Variants in CEP152 observed in about 807,000 individuals in gnomAD.
The protein encoded by CEP152 is centrosomal protein 152, also known as centrosomal protein of 152 kDa.
A neutral mutation model predicts 188.9 loss-of-function variants in CEP152; 132 were observed. The observed-to-expected ratio is 0.70, with a 90% confidence interval of 0.61 to 0.81. The LOEUF (loss-of-function observed/expected upper bound fraction) is 0.81. Ranked by LOEUF, CEP152 falls within the 30% of genes least tolerant of loss-of-function variation. The pLI is 0.00. For missense variants in CEP152, 1,914 were observed against 1,969.8 expected (o/e 0.97, Z 0.54); for synonymous variants, 649 against 666.6 (o/e 0.97, Z 0.41).
chr15:48,793,447 T>C lies in CEP152; in HGVS notation c.706A>G (p.Met236Val), dbSNP rs1897111499. ...AGAACCTGAAGTTGAATAATCTGCATATTTTCTGCAGAGTCTGGGAATTAA... is the reference window on the plus strand; with the variant it reads ...AGAACCTGAAGTTGAATAATCTGCACATTTTCTGCAGAGTCTGGGAATTAA... ...LGANENSAEN[M>V]QIIQLQVLNK... Residue 236 changes from methionine to valine, a missense_variant, in exon 7 of 27, where the codon ATG becomes GTG. Coordinates refer to ENST00000380950, the MANE Select transcript of CEP152 (RefSeq NM_001194998.2). 6.2e-7 allele frequency: 1 copy of C among 1,613,234 alleles called. No individual in the cohort carries two copies. Among genetic ancestry groups the C allele is most frequent in the Non-Finnish European group, 8.5e-7 (1 of 1,179,456 alleles).
At chr15:48,797,887 A>ATATT (rs1897412753) in intron 3 of CEP152, 61 bp downstream of exon 3, 2 of 1,506,598 alleles carry the variant, frequency 1.3e-6, no homozygotes, top group Non-Finnish European at 1.8e-6. Flanking sequence ...ATTAATCTTC[A>ATATT]TCAAAAGAAA....
chr15:48,799,857 T>G (rs569224914), intron 2 of CEP152, among the ~76,000 whole-genome samples: 1 of 152,312 alleles, frequency 6.6e-6, no homozygotes, highest in Non-Finnish European at 1.5e-5. Flanking sequence ...ACTTGTTGTC[T>G]AGAATTATGC....
rs369129204 is a variant in CEP152, at chr15:48,797,403, A to T, written c.438T>A (p.Leu146=). ...SKCEQTDLYH[L]PENFRPYTNG... ...TGGTATATGGCCTAAAGTTTTCAGG[A>T]AGGTGATATAAATCAGTCTGTTCAC... The change falls in exon 5 of 27, where the codon CTT becomes CTA. Residue 146 remains leucine, a synonymous_variant. Coordinates refer to ENST00000380950, the MANE Select transcript of CEP152 (RefSeq NM_001194998.2). 5.5e-5 allele frequency: 88 copies of T among 1,614,046 alleles called. No homozygotes were observed. Among genetic ancestry groups the T allele is most frequent in the Non-Finnish European group, 7.1e-5 (84 of 1,180,002 alleles).
intron 2 of CEP152, among the ~76,000 whole-genome samples, chr15:48,732,455 G>A (rs2140525797): frequency 6.6e-6 from 1 of 152,154 alleles, no homozygotes; most frequent in East Asian, 1.9e-4. Context: ...AACACTGCAT[G>A]TTCTCACTCA....
intron 9 of CEP152, among the ~76,000 whole-genome samples, chr15:48,785,084 C>A (rs1896535690): frequency 6.6e-6 from 1 of 152,012 alleles, no homozygotes; most frequent in Admixed American, 6.5e-5. Context: ...AAGAAGAATA[C>A]TGAGAAAGGG....
intron 7 of CEP152, 70 bp from the exon 8 acceptor site, chr15:48,791,446 G>T (rs1896982750): frequency 7.6e-7 from 1 of 1,312,620 alleles, no homozygotes; most frequent in Non-Finnish European, 1.1e-6. Flanking sequence ...ATCCCAATCA[G>T]ATGTCACGTC....
In CEP152 at chr15:48,772,537, T is replaced by C. The variant is rs1895628043; in HGVS notation, c.1732A>G (p.Ile578Val). Reference protein sequence around the residue: ...QNDLKDCHKKIEDLHQVKKDE... With the variant: ...QNDLKDCHKKVEDLHQVKKDE... The stretch of plus-strand genomic sequence containing the variant: ...TTCTTCACTTGGTGGAGATCTTCAA[T>C]TTTCTTATGACAGTCTTTGAGGTCA... The change falls in exon 13 of 27, where the codon ATT (isoleucine) becomes GTT (valine). Residue 578 changes from isoleucine (I) to valine (V), a missense_variant. Transcript: ENST00000380950. 2 of 1,613,712 alleles carry C rather than the reference T, an allele frequency of 1.2e-6. No homozygotes were observed. The highest frequency in any genetic ancestry group is 1.7e-6 in the Non-Finnish European group (2 of 1,179,998).
rs141690280 is a variant in CEP152, at chr15:48,778,779, G to A, written c.1577+2417C>T. On this transcript the variant is annotated intron_variant, in intron 12 of 26. Transcript: ENST00000380950. ...AGCCTGACCAACATGGAGAAACCCC[G>A]TCTCTACTAAAAATACAAAATTAGC... 7.9e-3 allele frequency among the ~76,000 whole-genome samples: 1,198 copies of A among 151,990 alleles called. 12 individuals are homozygous for A. The highest frequency in any genetic ancestry group is 0.027 in the African/African-American group (1,135 of 41,452).
At position 48,762,653 on chromosome 15, in the gene CEP152, T is replaced by C. The variant is rs1195679649; in HGVS notation, c.2300A>G (p.Gln767Arg). 1.9e-6 allele frequency: 3 copies of C among 1,613,816 alleles called. No individual in the cohort carries two copies. Among genetic ancestry groups the C allele is most frequent in the African/African-American group, 1.3e-5 (1 of 75,050 alleles). ...TQEKIKEKLI[Q>R]QLEKEWQSKL... ...AGACTGCCACTCCTTTTCAAGCTGT[T>C]GAATGAGTTTTTCTTTGATCTGTTT... The change falls in exon 18 of 27, where the codon CAA becomes CGA. Residue 767 changes from glutamine to arginine, a missense_variant. Gln to Arg is a conservative substitution (Grantham distance 43, BLOSUM62 1). Transcript: ENST00000380950.
chr15:48,796,853 T>C (rs1897332561), intron 5 of CEP152, among the ~76,000 whole-genome samples: 2 of 152,172 alleles, frequency 1.3e-5, no homozygotes, highest in South Asian at 4.1e-4. Context: ...AATAGAGATA[T>C]CAGCTTTGAC....
At position 48,772,625 on chromosome 15, in the gene CEP152, T is replaced by C. The variant is rs1895640484; in HGVS notation, c.1644A>G (p.Ala548=). 5.6e-6 allele frequency: 9 copies of C among 1,614,038 alleles called. No individual in the cohort carries two copies. The highest frequency in any genetic ancestry group is 1.3e-5 in the African/African-American group (1 of 74,938). Residue 548 remains alanine, a synonymous_variant, in exon 13 of 27, where the codon GCA becomes GCG. Coordinates refer to ENST00000380950, the MANE Select transcript of CEP152 (RefSeq NM_001194998.2). The part of the protein sequence containing the change: ...SKDEFILKLK[A]EVQRLLGSNS... ...TGCTACCCAGCAAACGCTGTACTTC[T>C]GCCTTTAACTTCAGAATGAACTCAT... is the stretch of plus-strand genomic sequence containing the variant.
At chr15:48,757,967 A>C (rs1236475217) in intron 19 of CEP152, among the ~76,000 whole-genome samples, 1 of 152,236 alleles carries the variant, frequency 6.6e-6, no homozygotes, top group Non-Finnish European at 1.5e-5. Flanking sequence ...GCATTTTCTC[A>C]TGTGAAGTTT....
chr15:48,763,227 G>A (rs577528077), intron 17 of CEP152, among the ~76,000 whole-genome samples: 1 of 152,358 alleles, frequency 6.6e-6, no homozygotes, highest in South Asian at 2.1e-4. Context: ...TAACAGTACA[G>A]TGAGGTGGAG....
intron 1 of CEP152, 142 bp from the exon 2 acceptor site, chr15:48,805,798 A>G (rs1270181187): frequency 4.5e-6 from 5 of 1,104,892 alleles, no homozygotes; most frequent in Non-Finnish European, 6.4e-6. Flanking sequence ...GTTATGGCCA[A>G]TAAAAATAAT....
intron 13 of CEP152, among the ~76,000 whole-genome samples, chr15:48,771,271 CAA>C (rs58239933): frequency 0.24 from 36,089 of 151,948 alleles, 6,082 homozygotes; most frequent in East Asian, 0.47. Context: ...TCTGTAAATT[CAA>C]AAGTGTCACA....
rs1567027097 is a variant in CEP152, at chr15:48,796,173, A to G, written c.541-13T>C. On this transcript the variant is annotated splice_polypyrimidine_tract_variant and intron_variant, in intron 5 of 26. Transcript: ENST00000380950. ...GACAACTGGGACCCTGTGATAACAA[A>G]TGAAACTGACAATTAAGATTTGGCC... is the stretch of plus-strand genomic sequence containing the variant. The G allele has an allele frequency of 6.2e-7, 1 of 1,613,238 alleles. No homozygotes were observed. The highest frequency in any genetic ancestry group is 1.7e-5 in the Admixed American group (1 of 59,994).
chr15:48,732,027 G>C (rs930098299), intron 2 of CEP152, among the ~76,000 whole-genome samples: 2 of 152,150 alleles, frequency 1.3e-5, no homozygotes, highest in African/African-American at 4.8e-5. Flanking sequence ...AAAAAGTCAG[G>C]AAACAATAGT....
At chr15:48,751,975 C>T (rs1417172527) in intron 21 of CEP152, among the ~76,000 whole-genome samples, 2 of 152,160 alleles carry the variant, frequency 1.3e-5, no homozygotes, top group Non-Finnish European at 2.9e-5. Flanking sequence ...TAATACATTT[C>T]AGAAAGATTT....
rs561917351 is a variant in CEP152 at position 48,775,788 on chromosome 15, G to A, written c.1578-3097C>T. On this transcript the variant is annotated intron_variant, in intron 12 of 26. Coordinates refer to ENST00000380950, the MANE Select transcript of CEP152 (RefSeq NM_001194998.2). ...TGGTAATAGGCATGGAGTTTCTTTG[G>A]GGGGATGTTGAAATGCTGTAAAATT... 1.2e-4 allele frequency among the ~76,000 whole-genome samples: 19 copies of A among 152,102 alleles called. No homozygotes were observed. The South Asian group carries it at 3.9e-3, about 32-fold the overall frequency.
Sources: gnomAD v4.1 joint callset for allele counts (sites outside exome capture counted in the v4.1 genomes callset) on GRCh38, gnomAD v4.1.1 for gene constraint, MANE v1.5 for transcripts, NCBI Gene and HGNC (gene_info 2026-07-23, HGNC 2026-07-21) for gene names.